Variants in PTPRD observed in about 807,000 individuals in gnomAD.
The protein encoded by PTPRD is receptor-type tyrosine-protein phosphatase delta.
PTPRD carries 34 observed loss-of-function variants against 214.5 expected under a neutral mutation model. The observed-to-expected ratio is 0.16, with a 90% confidence interval of 0.12 to 0.21. The LOEUF (loss-of-function observed/expected upper bound fraction) is 0.21, where lower values mean the gene tolerates loss of function less well. Ranked by LOEUF, PTPRD falls within the 10% of genes least tolerant of loss-of-function variation. PTPRD has a pLI of 1.00. For missense variants in PTPRD, 2,545 were observed against 2,398.7 expected (o/e 1.06, Z -1.27); for synonymous variants, 1,128 against 845.7 (o/e 1.33, Z -5.79).
chr9:8,810,138 G>C (rs1382385600), intron 11 of PTPRD, among the ~76,000 whole-genome samples: 2 of 152,162 alleles, frequency 1.3e-5, no homozygotes, highest in Non-Finnish European at 2.9e-5. Context: ...AATCAAGGTA[G>C]ATAGTCATAT....
intron 21 of PTPRD, among the ~76,000 whole-genome samples, chr9:8,510,557 T>G (rs970738217): frequency 5.3e-5 from 8 of 152,128 alleles, no homozygotes; most frequent in Non-Finnish European, 1.2e-4. Context: ...ACCTTTCCAT[T>G]CTTAATTACT....
At chr9:9,890,114 A>G (rs999262974) in intron 5 of PTPRD, among the ~76,000 whole-genome samples, 1 of 152,028 alleles carries the variant, frequency 6.6e-6, no homozygotes, top group Non-Finnish European at 1.5e-5. Context: ...AAAAGTAGTA[A>G]TGATTCCCTT....
chr9:10,397,692 T>C (rs1587206890), intron 2 of PTPRD, among the ~76,000 whole-genome samples: 1 of 152,130 alleles, frequency 6.6e-6, no homozygotes, highest in Middle Eastern at 3.4e-3. Flanking sequence ...TTTAGCACAG[T>C]AATATGCTGT....
In PTPRD at chr9:8,478,051, C is replaced by T. The variant is rs528575751; in HGVS notation, c.3413+6068G>A. Among the ~76,000 whole-genome samples, 19 of 152,194 alleles carry T rather than the reference C, an allele frequency of 1.2e-4. No individual in the cohort carries two copies. In the South Asian group the frequency reaches 3.9e-3, roughly 32 times the overall value. ...ATCCTTTGCAAAGCACCTAGTATGC[C>T]CTCTGTTCGTATTAACCATTACTAG... On this transcript the variant is annotated intron_variant, in intron 30 of 45. Coordinates refer to ENST00000381196, the MANE Select transcript of PTPRD (RefSeq NM_002839.4).
chr9:9,795,349 A>T (rs1162882813), intron 5 of PTPRD, among the ~76,000 whole-genome samples: 1 of 152,014 alleles, frequency 6.6e-6, no homozygotes, highest in Non-Finnish European at 1.5e-5. Flanking sequence ...ACCAGATATT[A>T]ACTCACCCAG....
intron 6 of PTPRD, among the ~76,000 whole-genome samples, chr9:9,761,302 C>A (rs1327728003): frequency 6.6e-5 from 10 of 152,202 alleles, no homozygotes; most frequent in African/African-American, 2.4e-4. Context: ...GGTATGATTC[C>A]ATTTATATAT....
At chr9:9,195,806 C>T (rs1170748071) in intron 9 of PTPRD, among the ~76,000 whole-genome samples, 1 of 151,212 alleles carries the variant, frequency 6.6e-6, no homozygotes, top group African/African-American at 2.4e-5. Flanking sequence ...GAAACAGCTA[C>T]AGGCTGTCAA....
intron 11 of PTPRD, among the ~76,000 whole-genome samples, chr9:9,006,369 A>G (rs962986923): frequency 1.3e-5 from 2 of 152,078 alleles, no homozygotes; most frequent in Non-Finnish European, 1.5e-5. Flanking sequence ...AACAAAACAT[A>G]TACTTTTAAA....
chr9:8,896,938 A>G (rs1172915843), intron 11 of PTPRD, among the ~76,000 whole-genome samples: 1 of 152,218 alleles, frequency 6.6e-6, no homozygotes, highest in Non-Finnish European at 1.5e-5. Context: ...AGAACTGTAG[A>G]TTAGTTCTAA....
chr9:9,843,188 A>C, intron 5 of PTPRD, among the ~76,000 whole-genome samples: 1 of 152,082 alleles, frequency 6.6e-6, no homozygotes, highest in South Asian at 2.1e-4. Context: ...TTACAGAAAA[A>C]GTCTGCTACT....
intron 12 of PTPRD, among the ~76,000 whole-genome samples, chr9:8,725,431 C>T (rs1314232484): frequency 6.6e-6 from 1 of 152,086 alleles, no homozygotes; most frequent in Non-Finnish European, 1.5e-5. Flanking sequence ...ATTAATGGGA[C>T]TGTGAAAGAC....
At chr9:9,610,951 T>A (rs939082901) in intron 7 of PTPRD, among the ~76,000 whole-genome samples, 2 of 152,258 alleles carry the variant, frequency 1.3e-5, no homozygotes, top group East Asian at 1.9e-4. Flanking sequence ...CCTAGAACAG[T>A]GATTGGCAAA....
chr9:9,798,752 G>A (rs564189129), intron 5 of PTPRD, among the ~76,000 whole-genome samples: 10 of 152,264 alleles, frequency 6.6e-5, no homozygotes, highest in South Asian at 6.2e-4. Context: ...TGCTGAGAGC[G>A]CAGGTAAAAT....
chr9:9,931,036 G>C (rs927199095), intron 5 of PTPRD, among the ~76,000 whole-genome samples: 3 of 151,888 alleles, frequency 2.0e-5, no homozygotes, highest in African/African-American at 7.3e-5. Context: ...ATTATAACTT[G>C]ATTTTAATCC....
chr9:10,190,610 C>T (rs375546849), intron 3 of PTPRD, among the ~76,000 whole-genome samples: 2 of 145,536 alleles, frequency 1.4e-5, no homozygotes, highest in Non-Finnish European at 3.0e-5. Flanking sequence ...TCCAACTGCT[C>T]GGGAGGCTGA....
intron 10 of PTPRD, among the ~76,000 whole-genome samples, chr9:9,149,430 A>G (rs1431753887): frequency 6.6e-6 from 1 of 152,226 alleles, no homozygotes; most frequent in African/African-American, 2.4e-5. Flanking sequence ...TCTCTCATAA[A>G]TCAGATCAGA....
At chr9:9,918,468 A>C (rs1194977919) in intron 5 of PTPRD, among the ~76,000 whole-genome samples, 1 of 152,050 alleles carries the variant, frequency 6.6e-6, no homozygotes, top group Non-Finnish European at 1.5e-5. Flanking sequence ...TATTGTTAGA[A>C]TCACAAAACT....
intron 12 of PTPRD, among the ~76,000 whole-genome samples, chr9:8,724,656 C>A (rs1359189631): frequency 6.6e-6 from 1 of 152,044 alleles, no homozygotes; most frequent in African/African-American, 2.4e-5. Flanking sequence ...TAGCCAGGCT[C>A]ATTTATTTTT....
chr9:9,171,855 T>C (rs1341793702), intron 10 of PTPRD, among the ~76,000 whole-genome samples: 1 of 152,144 alleles, frequency 6.6e-6, no homozygotes, highest in Non-Finnish European at 1.5e-5. Flanking sequence ...AATTCTTCAT[T>C]ACTGTCTCAA....
Sources: allele counts gnomAD v4.1 joint callset (sites outside exome capture counted in the v4.1 genomes callset), GRCh38; gene constraint gnomAD v4.1.1; transcripts MANE v1.5; gene names NCBI Gene and HGNC (gene_info 2026-07-23, HGNC 2026-07-21).